CNOT2: variants seen among roughly 807,000 people sequenced by gnomAD.
The protein encoded by CNOT2 is CCR4-NOT transcription complex subunit 2.
Under a neutral mutation model 72.1 loss-of-function variants are expected in CNOT2, and 7 were observed. The ratio of observed to expected loss-of-function variants is 0.10; its 90% CI spans 0.06 to 0.18. CNOT2 has a LOEUF of 0.18. Ranked by LOEUF, CNOT2 falls within the 10% of genes least tolerant of loss-of-function variation. CNOT2 has a pLI of 1.00. For missense variants in CNOT2, 345 were observed against 660.3 expected, an observed-to-expected ratio of 0.52 and a Z score of 5.23; for synonymous variants, 196 against 225.6, an observed-to-expected ratio of 0.87 and a Z score of 1.17.
chr12:70,330,714 T>C, intron 6 of CNOT2: 1 of 383,162 alleles, frequency 2.6e-6, no homozygotes, highest in South Asian at 5.7e-5. Context: ...TGTTCTTGGA[T>C]TCGCCACCAG....
chr12:70,337,244 G>T, intron 8 of CNOT2, 145 bp from the exon 9 acceptor site: 1 of 565,396 alleles, frequency 1.8e-6, no homozygotes, highest in Non-Finnish European at 3.1e-6. Flanking sequence ...TGTTACCCTG[G>T]ATACTAATTT....
chr12:70,321,283 G>A (rs1186307096), intron 4 of CNOT2, among the ~76,000 whole-genome samples: 2 of 151,684 alleles, frequency 1.3e-5, no homozygotes, highest in Non-Finnish European at 2.9e-5. Flanking sequence ...CCAAGATATC[G>A]ATCTAGAAGC....
At chr12:70,318,008 A>C (rs189181982) in intron 3 of CNOT2, among the ~76,000 whole-genome samples, 1 of 152,026 alleles carries the variant, frequency 6.6e-6, no homozygotes, top group Non-Finnish European at 1.5e-5. Flanking sequence ...GTGAGTCTCC[A>C]TTAACCTCCT....
intron 13 of CNOT2, among the ~76,000 whole-genome samples, chr12:70,343,009 G>A (rs191964512): frequency 6.6e-6 from 1 of 152,230 alleles, no homozygotes; most frequent in East Asian, 1.9e-4. Flanking sequence ...GGATGTTGAT[G>A]TGGACAGGCA....
intron 1 of CNOT2, among the ~76,000 whole-genome samples, chr12:70,254,644 C>T (rs944542566): frequency 6.6e-6 from 1 of 152,124 alleles, no homozygotes; most frequent in Non-Finnish European, 1.5e-5. Context: ...GATGCTGCTG[C>T]ATTTGGGTGC....
chr12:70,261,305 CTTTTTTTTTTTTTT>C (rs71437141), intron 1 of CNOT2, among the ~76,000 whole-genome samples: 3 of 43,340 alleles, frequency 6.9e-5, no homozygotes, highest in African/African-American at 8.7e-5. Flanking sequence ...TTCTTTCTTT[CTTTTTTTTTTTTTT>C]TTTTTTTTTT....
chr12:70,304,912 T>G (rs1355018269), intron 2 of CNOT2, among the ~76,000 whole-genome samples: 1 of 152,216 alleles, frequency 6.6e-6, no homozygotes, highest in Non-Finnish European at 1.5e-5. Context: ...GCCTTGCAGT[T>G]TGATCTCAGA....
At chr12:70,270,171 A>G in intron 1 of CNOT2, among the ~76,000 whole-genome samples, 1 of 152,136 alleles carries the variant, frequency 6.6e-6, no homozygotes, top group Non-Finnish European at 1.5e-5. Flanking sequence ...TACTTGTTTC[A>G]AAATCTCTGG....
intron 2 of CNOT2, chr12:70,294,035 C>G (rs1231133878): frequency 2.9e-6 from 3 of 1,024,998 alleles, no homozygotes; most frequent in East Asian, 6.0e-5. Context: ...ACTGGACATT[C>G]AGATCTTTAT....
At chr12:70,305,853 G>T (rs1462536476) in intron 2 of CNOT2, among the ~76,000 whole-genome samples, 3 of 110,074 alleles carry the variant, frequency 2.7e-5, no homozygotes, top group African/African-American at 9.7e-5. Flanking sequence ...TGAAGTTCTT[G>T]GTTATTTTAT....
chr12:70,301,896 A>C (rs1205641303), intron 2 of CNOT2: 1 of 152,060 alleles, frequency 6.6e-6, no homozygotes, highest in African/African-American at 2.4e-5. Flanking sequence ...TCCATTTCAG[A>C]GCCTGTTATT....
At chr12:70,314,987 C>T (rs746992115) in intron 3 of CNOT2, among the ~76,000 whole-genome samples, 23 of 152,110 alleles carry the variant, frequency 1.5e-4, no homozygotes, top group Admixed American at 3.3e-4. Flanking sequence ...CTTCAGCCTT[C>T]TGAGTAGCTG....
At chr12:70,345,353 C>T (rs1448137713) in intron 14 of CNOT2, 1 of 151,864 alleles carries the variant, frequency 6.6e-6, no homozygotes, top group African/African-American at 2.4e-5. Flanking sequence ...TATGTTTTTC[C>T]TTCATTTTTG....
At chr12:70,332,067 T>C (rs2136031223) in intron 6 of CNOT2, among the ~76,000 whole-genome samples, 1 of 151,930 alleles carries the variant, frequency 6.6e-6, no homozygotes, top group South Asian at 2.1e-4. Flanking sequence ...AATTTAAAAT[T>C]GGGGACACCA....
At chr12:70,310,445 A>G (rs1876248887) in intron 2 of CNOT2, among the ~76,000 whole-genome samples, 1 of 152,214 alleles carries the variant, frequency 6.6e-6, no homozygotes, top group South Asian at 2.1e-4. Context: ...AAAACGGTAT[A>G]TTTCAGTAAA....
rs892524866 is a variant in CNOT2, at chr12:70,247,786, G to A, written c.-96+4306G>A. On this transcript the variant is annotated intron_variant, in intron 1 of 15. Coordinates refer to ENST00000229195, the MANE Select transcript of CNOT2 (RefSeq NM_014515.7). ...ATAATACTTAATAGGTTCTCAATAC[G>A]TATCTATTAAACTGAACTGTTGCTA... 4.6e-5 allele frequency among the ~76,000 whole-genome samples: 7 copies of A among 152,148 alleles called. No individual in the cohort carries two copies. The East Asian group carries it at 9.6e-4, about 21-fold the overall frequency.
chr12:70,332,926 TTAAA>T (rs1224439577), intron 7 of CNOT2, 80 bp downstream of exon 7: 3 of 1,413,288 alleles, frequency 2.1e-6, no homozygotes, highest in Non-Finnish European at 2.8e-6. Flanking sequence ...ATACTGGTCT[TTAAA>T]TACGGTAGGA....
intron 2 of CNOT2, among the ~76,000 whole-genome samples, chr12:70,284,391 C>T (rs1349623413): frequency 2.6e-5 from 4 of 151,818 alleles, no homozygotes; most frequent in African/African-American, 9.7e-5. Flanking sequence ...ACTACCTACA[C>T]GCACCACCAC....
intron 2 of CNOT2, chr12:70,308,002 C>T (rs74379907): frequency 0.096 from 14,558 of 152,096 alleles, 897 homozygotes; most frequent in Middle Eastern, 0.19. Context: ...CTCAGGCTCT[C>T]GAGGTGTACT....
Sources: allele counts gnomAD v4.1 joint callset (sites outside exome capture counted in the v4.1 genomes callset), GRCh38; gene constraint gnomAD v4.1.1; transcripts MANE v1.5; gene names NCBI Gene and HGNC (gene_info 2026-07-23, HGNC 2026-07-21).